The following MICOS10 variants were observed in gnomAD, a reference collection of about 807,000 sequenced individuals.
MICOS10 encodes mitochondrial contact site and cristae organizing system subunit 10.
MICOS10 carries 5 observed loss-of-function variants against 13.4 expected under a neutral mutation model. That is an observed-to-expected ratio of 0.37 (90% CI 0.20 to 0.78). The LOEUF is 0.78. MICOS10 is among the 30% of genes least tolerant of loss of function. The pLI, the probability that MICOS10 is intolerant of heterozygous loss-of-function variation, is 0.47. For synonymous variants in MICOS10, 35 were observed against 33.6 expected (o/e 1.04, Z -0.15); for missense variants, 101 against 94.6 (o/e 1.07, Z -0.28).
chr1:19,624,427 C>T (rs2094915260), intron 3 of MICOS10, among the ~76,000 whole-genome samples: 1 of 151,990 alleles, frequency 6.6e-6, no homozygotes, highest in South Asian at 2.1e-4. Flanking sequence ...GCTGGGATTA[C>T]AGGCACGAGC....
At chr1:19,611,699 C>T (rs1353114803) in intron 1 of MICOS10, among the ~76,000 whole-genome samples, 5 of 151,686 alleles carry the variant, frequency 3.3e-5, no homozygotes, top group Non-Finnish European at 5.9e-5. Context: ...AGGCCAGGCG[C>T]GATGGCTCAC....
At chr1:19,603,883 G>T (rs912053071) in intron 1 of MICOS10, among the ~76,000 whole-genome samples, 6 of 152,172 alleles carry the variant, frequency 3.9e-5, no homozygotes, top group Admixed American at 2.0e-4. Flanking sequence ...CCCAAAGCTG[G>T]AGAGTTTCCT....
At position 19,628,654 on chromosome 1, in the gene MICOS10, C is replaced by T. The variant is rs1332444097; in HGVS notation, c.*2253C>T. The T allele has an allele frequency of 6.7e-6, 1 of 148,472 alleles. No individual in the cohort carries two copies. Among genetic ancestry groups the T allele is most frequent in the Admixed American group, 6.7e-5 (1 of 14,938 alleles). The allele number at this position is 148,472 out of a possible 1,614,324, so 9.2% of individuals were successfully genotyped here. A position where few individuals can be genotyped will look rare whatever the true frequency, so the allele number is the denominator to read the frequency against. On this transcript the variant is annotated 3_prime_UTR_variant, in exon 4 of 4. Transcript: ENST00000322753. The stretch of plus-strand genomic sequence containing the variant: ...CTGAGATCGCGCCACTGCACTCCAG[C>T]CCGGCGACAGAGCGAGAATCTGTCT...
At chr1:19,598,641 G>A (rs1335443642) in intron 1 of MICOS10, among the ~76,000 whole-genome samples, 7 of 151,572 alleles carry the variant, frequency 4.6e-5, no homozygotes, top group Non-Finnish European at 7.4e-5. Context: ...AGAAGAAGAA[G>A]GGGCTTTGGA....
intron 1 of MICOS10, among the ~76,000 whole-genome samples, chr1:19,614,035 A>G (rs1331724689): frequency 6.6e-6 from 1 of 152,116 alleles, no homozygotes; most frequent in Non-Finnish European, 1.5e-5. Flanking sequence ...ATTCCAGAAA[A>G]CAATGTAGAT....
At chr1:19,602,471 A>G (rs2094819007) in intron 1 of MICOS10, among the ~76,000 whole-genome samples, 1 of 152,368 alleles carries the variant, frequency 6.6e-6, no homozygotes, top group East Asian at 1.9e-4. Context: ...GGGAATAGTC[A>G]ACTGAGAAAC....
chr1:19,621,611 A>G (rs113834834), intron 1 of MICOS10, among the ~76,000 whole-genome samples: 1,755 of 152,246 alleles, frequency 0.012, 32 homozygotes, highest in African/African-American at 0.04. Context: ...CTGCCTAGAT[A>G]TTCTGGCTTG....
intron 1 of MICOS10, among the ~76,000 whole-genome samples, chr1:19,599,615 T>G (rs1037247030): frequency 6.6e-6 from 1 of 152,180 alleles, no homozygotes; most frequent in Non-Finnish European, 1.5e-5. Context: ...GGCCTTCAAC[T>G]GACCTTTGTA....
chr1:19,600,410 G>C (rs2094809561), intron 1 of MICOS10, among the ~76,000 whole-genome samples: 1 of 152,130 alleles, frequency 6.6e-6, no homozygotes, highest in Non-Finnish European at 1.5e-5. Flanking sequence ...GTTGCTTCCT[G>C]TTTTCTCTGG....
chr1:19,601,100 A>G, intron 1 of MICOS10: 1 of 978,484 alleles, frequency 1.0e-6, no homozygotes, highest in Admixed American at 2.3e-5. Flanking sequence ...TAGGTGTTGT[A>G]TAGCTGAGTT....
chr1:19,612,607 C>G (rs2094868056), intron 1 of MICOS10, among the ~76,000 whole-genome samples: 1 of 152,034 alleles, frequency 6.6e-6, no homozygotes, highest in African/African-American at 2.4e-5. Flanking sequence ...CCTGTAATCC[C>G]AGCTACTTGG....
At chr1:19,615,175 C>A (rs936924630) in intron 1 of MICOS10, among the ~76,000 whole-genome samples, 5 of 152,196 alleles carry the variant, frequency 3.3e-5, no homozygotes, top group Non-Finnish European at 5.9e-5. Flanking sequence ...ATCACAAGCT[C>A]CCCAGGGAAG....
Position 19,597,054 on chromosome 1 carries a change from G to A in MICOS10, c.9G>A (p.Glu3=). Residue 3 remains glutamate (E), a synonymous_variant, in exon 1 of 4, where the codon GAG becomes GAA. Transcript: ENST00000322753. ...AGGCGCGGGTGGGGAACATGTCTGA[G>A]TCGGAGCTCGGCAGGAAGTGGGACC... MS[E]SELGRKWDRC... 1.3e-6 allele frequency: 2 copies of A among 1,592,978 alleles called. No homozygotes were observed. Among genetic ancestry groups the A allele is most frequent in the Non-Finnish European group, 1.7e-6 (2 of 1,172,074 alleles).
At chr1:19,615,740 C>G (rs970959047) in intron 1 of MICOS10, among the ~76,000 whole-genome samples, 4 of 151,196 alleles carry the variant, frequency 2.6e-5, no homozygotes, top group Non-Finnish European at 5.9e-5. Flanking sequence ...TATGCCACCA[C>G]ACCCTGCTGA....
At position 19,599,373 on chromosome 1, in the gene MICOS10, A is replaced by C. The variant is rs561337101; in HGVS notation, c.64+2264A>C. 2.0e-5 allele frequency among the ~76,000 whole-genome samples: 3 copies of C among 152,254 alleles called. No homozygotes were observed. In the East Asian group the frequency reaches 5.8e-4, roughly 29 times the overall value. ...CACCCAGCCAATAGTTGTTGATATTAATATTATTGTGCTACTGAAGACCAC... is the reference window on the plus strand; with the variant it reads ...CACCCAGCCAATAGTTGTTGATATTCATATTATTGTGCTACTGAAGACCAC... On this transcript the variant is annotated intron_variant, in intron 1 of 3. Coordinates refer to ENST00000322753, the MANE Select transcript of MICOS10 (RefSeq NM_001032363.4).
intron 1 of MICOS10, among the ~76,000 whole-genome samples, chr1:19,609,152 G>GC (rs1366974322): frequency 6.6e-6 from 1 of 151,476 alleles, no homozygotes; most frequent in African/African-American, 2.4e-5. Flanking sequence ...GCGTGCTACC[G>GC]CATCAGGCTA....
intron 2 of MICOS10, among the ~76,000 whole-genome samples, chr1:19,622,451 T>TC (rs2094907220): frequency 6.6e-6 from 1 of 152,206 alleles, no homozygotes; most frequent in African/African-American, 2.4e-5. Flanking sequence ...GTCTACACGC[T>TC]CAGATATTTC....
At chr1:19,607,796 A>G (rs2094840983) in intron 1 of MICOS10, among the ~76,000 whole-genome samples, 1 of 152,236 alleles carries the variant, frequency 6.6e-6, no homozygotes, top group South Asian at 2.1e-4. Context: ...CAAAGTTGAG[A>G]TTCTTGTATT....
At chr1:19,602,110 T>C (rs840264) in intron 1 of MICOS10, among the ~76,000 whole-genome samples, 28,566 of 152,186 alleles carry the variant, frequency 0.19, 4,138 homozygotes, top group African/African-American at 0.4. Flanking sequence ...CTTGATTGTT[T>C]CTTCTCCCTG....
Sources: gnomAD v4.1 joint callset for allele counts (sites outside exome capture counted in the v4.1 genomes callset) on GRCh38, gnomAD v4.1.1 for gene constraint, MANE v1.5 for transcripts, NCBI Gene and HGNC (gene_info 2026-07-23, HGNC 2026-07-21) for gene names.